STX2: variants seen among roughly 807,000 people sequenced by gnomAD.
The protein encoded by STX2 is syntaxin 2.
Under a neutral mutation model 40.6 loss-of-function variants are expected in STX2, and 27 were observed. The ratio of observed to expected loss-of-function variants is 0.66; its 90% CI spans 0.49 to 0.92. The LOEUF is 0.92. STX2 is among the 40% of genes least tolerant of loss of function. STX2 has a pLI of 0.00. For synonymous variants in STX2, 123 were observed against 119.1 expected, an observed-to-expected ratio of 1.03 and a Z score of -0.22; for missense variants, 328 against 366.1, an observed-to-expected ratio of 0.90 and a Z score of 0.85.
At position 130,797,167 on chromosome 12, in the gene STX2, G is replaced by A. The variant is rs184744392; in HGVS notation, c.787-1047C>T. 3.0e-4 allele frequency among the ~76,000 whole-genome samples: 46 copies of A among 152,350 alleles called. 1 individual carries two copies. Among genetic ancestry groups the A allele is most frequent in the African/African-American group, 1.1e-3 (45 of 41,580 alleles). ...GCCAGGCTTGCTCATCCACAGAGGA[G>A]AATGAAAACGTATCACACCCACCAC... On this transcript the variant is annotated intron_variant, in intron 9 of 10. Transcript: ENST00000392373.
intron 9 of STX2, among the ~76,000 whole-genome samples, chr12:130,797,116 C>A (rs965439598): frequency 3.9e-5 from 6 of 152,198 alleles, no homozygotes; most frequent in African/African-American, 1.4e-4. Context: ...CGCCAGCTAC[C>A]GCACAGACCC....
chr12:130,818,181 A>ATAT (rs1555222320), intron 3 of STX2, among the ~76,000 whole-genome samples: 4 of 20,176 alleles, frequency 2.0e-4, no homozygotes, highest in African/African-American at 7.3e-4. Flanking sequence ...AAAAAAAAAA[A>ATAT]AAAAATATAT....
Position 130,832,176 on chromosome 12 carries a change from T to C in STX2, c.31-4909A>G, listed in dbSNP as rs77466387. Among the ~76,000 whole-genome samples the C allele has an allele frequency of 9.2e-3, 1,399 of 151,966 alleles. 18 individuals carry two copies. Among genetic ancestry groups the C allele is most frequent in the African/African-American group, 0.032 (1,324 of 41,420 alleles). On this transcript the variant is annotated intron_variant, in intron 1 of 10. Transcript: ENST00000392373. Reference sequence around the variant, plus strand: ...TCTGCAATTTAATCATTTTTTTTTTTCCTCTCAGCTATACATTCATATTTC... The same window carrying C: ...TCTGCAATTTAATCATTTTTTTTTTCCCTCTCAGCTATACATTCATATTTC...
chr12:130,812,756 G>C, intron 4 of STX2: 2 of 451,392 alleles, frequency 4.4e-6, no homozygotes, highest in Non-Finnish European at 7.8e-6. Flanking sequence ...CATCAAAAAT[G>C]TAACAGTATA....
At chr12:130,803,687 A>C (rs71448220) in intron 6 of STX2, among the ~76,000 whole-genome samples, 56 of 115,886 alleles carry the variant, frequency 4.8e-4, no homozygotes, top group Admixed American at 1.1e-3. Context: ...AAAAAAAAAA[A>C]AACAAACTAA....
intron 2 of STX2, 38 bp downstream of exon 2, chr12:130,827,155 T>C (rs1321353309): frequency 1.4e-6 from 2 of 1,454,634 alleles, no homozygotes; most frequent in East Asian, 4.9e-5. Flanking sequence ...GGAGGACAGG[T>C]AGGCAGGCTA....
chr12:130,800,466 G>A lies in STX2; in HGVS notation c.675+687C>T, dbSNP rs200543294. 1.7e-4 allele frequency among the ~76,000 whole-genome samples: 26 copies of A among 152,136 alleles called. No individual in the cohort carries two copies. In the East Asian group the frequency reaches 4.6e-3, roughly 27 times the overall value. On this transcript the variant is annotated intron_variant, in intron 8 of 10. Transcript: ENST00000392373. Reference sequence around the variant, plus strand: ...TTATTAAGAATTGCATTAACTCTTCGGTTCACTCAGAAGGGCCTTTCCACA... The same window carrying A: ...TTATTAAGAATTGCATTAACTCTTCAGTTCACTCAGAAGGGCCTTTCCACA...
intron 10 of STX2, 112 bp from the exon 11 acceptor site, chr12:130,792,089 A>G: frequency 1.5e-6 from 1 of 647,636 alleles, no homozygotes; most frequent in Non-Finnish European, 2.6e-6. Flanking sequence ...ATCCATTATC[A>G]AGAAAGGACT....
chr12:130,827,030 G>GA (rs1342538069), intron 2 of STX2, among the ~76,000 whole-genome samples, 163 bp downstream of exon 2: 1 of 136,516 alleles, frequency 7.3e-6, no homozygotes, highest in Non-Finnish European at 1.6e-5. Flanking sequence ...AAAAGAAAAG[G>GA]AAAAAGAAAA....
chr12:130,824,553 T>C (rs374885766), intron 2 of STX2, among the ~76,000 whole-genome samples: 4 of 152,166 alleles, frequency 2.6e-5, no homozygotes, highest in Admixed American at 6.5e-5. Flanking sequence ...ATACACCCTG[T>C]ACCTAGACAG....
In STX2 at chr12:130,798,606, A is replaced by C; in HGVS notation, c.705T>G (p.Asn235Lys). 6.3e-7 allele frequency: 1 copy of C among 1,599,058 alleles called. No individual in the cohort carries two copies. Among genetic ancestry groups the C allele is most frequent in the South Asian group, 1.1e-5 (1 of 87,520 alleles). The change falls in exon 9 of 11, where the codon AAT becomes AAG. Residue 235 changes from asparagine (N) to lysine (K), a missense_variant. By Grantham distance (94) the Asn-to-Lys change is moderately conservative. Transcript: ENST00000392373. ...CTACATAGTCTGTGGCATTCATAACATTTCTTTCTATGTTGTTGATCATTT... is the reference window on the plus strand; with the variant it reads ...CTACATAGTCTGTGGCATTCATAACCTTTCTTTCTATGTTGTTGATCATTT... ...QGEMINNIER[N>K]VMNATDYVEH...
chr12:130,808,523 TGAG>T, intron 5 of STX2, 105 bp downstream of exon 5: 1 of 963,702 alleles, frequency 1.0e-6, no homozygotes, highest in Non-Finnish European at 1.6e-6. Flanking sequence ...AGAAATACTA[TGAG>T]GATAAGCATG....
chr12:130,834,017 G>C (rs1253787285), intron 1 of STX2, among the ~76,000 whole-genome samples: 1 of 152,184 alleles, frequency 6.6e-6, no homozygotes, highest in Non-Finnish European at 1.5e-5. Context: ...CCCAAGACAA[G>C]ATGGGCCATC....
intron 4 of STX2, among the ~76,000 whole-genome samples, chr12:130,811,154 T>C (rs1244621411): frequency 6.6e-6 from 1 of 152,072 alleles, no homozygotes; most frequent in Non-Finnish European, 1.5e-5. Context: ...GGTCAGGAGT[T>C]TGAGACCAGC....
chr12:130,836,965 AG>A (rs1331615064), intron 1 of STX2, among the ~76,000 whole-genome samples: 1 of 152,242 alleles, frequency 6.6e-6, no homozygotes, highest in Non-Finnish European at 1.5e-5. Flanking sequence ...TTGGATATAT[AG>A]AAACTGAGTG....
chr12:130,813,551 T>C lies in STX2; in HGVS notation c.206-520A>G, dbSNP rs539583381. Among the ~76,000 whole-genome samples the C allele has an allele frequency of 2.6e-5, 4 of 152,302 alleles. 1 individual carries two copies. The South Asian group carries it at 8.3e-4, about 32-fold the overall frequency. ...GCTGGGCCGGTCGCCCTGGCCTGGC[T>C]TCTCAGACACTCAGGGCTGCAAGCA... On this transcript the variant is annotated intron_variant, in intron 3 of 10. Transcript: ENST00000392373.
At chr12:130,793,584 G>A (rs1325826394) in intron 10 of STX2, among the ~76,000 whole-genome samples, 1 of 152,224 alleles carries the variant, frequency 6.6e-6, no homozygotes, top group Non-Finnish European at 1.5e-5. Context: ...TAGGGTACAG[G>A]ACTCAGGAGT....
At chr12:130,817,173 C>G (rs1010900302) in intron 3 of STX2, among the ~76,000 whole-genome samples, 5 of 149,714 alleles carry the variant, frequency 3.3e-5, no homozygotes, top group Non-Finnish European at 7.4e-5. Flanking sequence ...CACAGAGGCA[C>G]CAGCTAATAA....
At chr12:130,806,619 G>A (rs966131807) in intron 6 of STX2, among the ~76,000 whole-genome samples, 11 of 152,198 alleles carry the variant, frequency 7.2e-5, no homozygotes, top group African/African-American at 9.7e-5. Flanking sequence ...CAATAGGGCC[G>A]CTGCCTCTGC....
Sources: allele counts gnomAD v4.1 joint callset (sites outside exome capture counted in the v4.1 genomes callset), GRCh38; gene constraint gnomAD v4.1.1; transcripts MANE v1.5; gene names NCBI Gene and HGNC (gene_info 2026-07-23, HGNC 2026-07-21).